HS1BP3: variants seen among roughly 807,000 people sequenced by gnomAD.
HS1BP3 encodes the protein HCLS1 binding protein 3.
Under a neutral mutation model 33.5 loss-of-function variants are expected in HS1BP3, and 32 were observed. The observed-to-expected ratio is 0.95, with a 90% CI of 0.72 to 1.28. The LOEUF (loss-of-function observed/expected upper bound fraction) is 1.28, where lower values mean the gene tolerates loss of function less well. Among genes scored for constraint, HS1BP3 ranks in the 50% most tolerant of loss-of-function variants. HS1BP3 has a pLI of 0.00. For missense variants in HS1BP3, 486 were observed against 502.3 expected (o/e 0.97, Z 0.31); for synonymous variants, 187 against 209.2 (o/e 0.89, Z 0.92).
intron 4 of HS1BP3, chr2:20,637,803 A>C (rs927482500): frequency 6.5e-6 from 1 of 153,226 alleles, no homozygotes; most frequent in Non-Finnish European, 1.5e-5. Flanking sequence ...GAGAGCGGGG[A>C]GGACAGCACC....
downstream of HS1BP3, among the ~76,000 whole-genome samples, chr2:20,616,237 A>G (rs566690541): frequency 1.3e-5 from 2 of 152,304 alleles, no homozygotes; most frequent in South Asian, 2.1e-4. Context: ...CTCCAGCTCA[A>G]TCTTAGCTAC....
chr2:20,641,245 C>CTGGTCGGGGTGA, intron 2 of HS1BP3, 65 bp from the exon 3 acceptor site: 2 of 1,449,498 alleles, frequency 1.4e-6, no homozygotes, highest in Non-Finnish European at 9.5e-7. Context: ...TTTCTCACCC[C>CTGGTCGGGGTGA]GACCAGGGGT....
intron 6 of HS1BP3, among the ~76,000 whole-genome samples, chr2:20,619,552 G>C (rs1169809940): frequency 6.6e-6 from 1 of 152,206 alleles, no homozygotes; most frequent in Non-Finnish European, 1.5e-5. Flanking sequence ...GCTGCCTTCT[G>C]TAGGGGGCTT....
At chr2:20,621,662 C>T (rs1010473148) in intron 6 of HS1BP3, among the ~76,000 whole-genome samples, 1 of 152,236 alleles carries the variant, frequency 6.6e-6, no homozygotes, top group Non-Finnish European at 1.5e-5. Flanking sequence ...AAATAGGGGC[C>T]CTTTGGAAAA....
In HS1BP3 at chr2:20,629,175, C is replaced by T. The variant is rs377763131; in HGVS notation, c.624-4283G>A. ...GTCAGTAATTCCATGACAGGTGCGTCACTCAGTCTCTGAGCCATTTCTTCA... is the reference window on the plus strand; with the variant it reads ...GTCAGTAATTCCATGACAGGTGCGTTACTCAGTCTCTGAGCCATTTCTTCA... On this transcript the variant is annotated intron_variant, in intron 4 of 6. Coordinates refer to ENST00000304031, the MANE Select transcript of HS1BP3 (RefSeq NM_022460.4). Among the ~76,000 whole-genome samples the T allele has an allele frequency of 3.3e-5, 5 of 152,182 alleles. No homozygotes were observed. The South Asian group carries it at 6.2e-4, about 19-fold the overall frequency.
chr2:20,579,034 C>T lies in HS1BP3; in HGVS notation c.303-18519G>A, dbSNP rs1236489022. On this transcript the variant is annotated intron_variant, in intron 5 of 5. Coordinates refer to the HS1BP3 transcript ENST00000446825. ...CAGGCTGAGCCAGGTTTGGTGGCCACTGAAGCCCTTGACTTCCTTCCGGTC... is the reference window on the plus strand; with the variant it reads ...CAGGCTGAGCCAGGTTTGGTGGCCATTGAAGCCCTTGACTTCCTTCCGGTC... Among the ~76,000 whole-genome samples the T allele has an allele frequency of 2.0e-5, 3 of 152,260 alleles. No individual in the cohort carries two copies. The East Asian group carries it at 5.8e-4, about 29-fold the overall frequency.
chr2:20,599,613 C>T (rs1166018305), intron 2 of HS1BP3, among the ~76,000 whole-genome samples: 2 of 106,534 alleles, frequency 1.9e-5, no homozygotes, highest in African/African-American at 8.7e-5. Flanking sequence ...TTGTGTAACA[C>T]ACACACACAC....
At chr2:20,635,321 G>C (rs1293822082) in intron 4 of HS1BP3, 3 of 152,230 alleles carry the variant, frequency 2.0e-5, no homozygotes, top group Non-Finnish European at 4.4e-5. Context: ...ATCGAGCTGA[G>C]AAACCAGCAG....
intron 6 of HS1BP3, 64 bp downstream of exon 6, chr2:20,623,832 G>T (rs985412285): frequency 6.6e-7 from 1 of 1,518,476 alleles, no homozygotes; most frequent in East Asian, 2.4e-5. Flanking sequence ...GCAATGAGCC[G>T]GGCCCTTGGC....
chr2:20,569,094 A>C (rs1248080684), intron 5 of HS1BP3, among the ~76,000 whole-genome samples: 1 of 152,120 alleles, frequency 6.6e-6, no homozygotes, highest in Non-Finnish European at 1.5e-5. Flanking sequence ...GCTCAGCCGC[A>C]GCCCAGCCCA....
Position 20,619,090 on chromosome 2 carries a change from T to C in HS1BP3, c.1076A>G (p.Gln359Arg). ...TTGGATCTGCTCCTGCGGCTTCTGC[T>C]GCCCAGCCACAGCTTCAGCCGGGCC... ...KAGPAEAVAG[Q>R]QKPQEQIQAM... The change falls in exon 7 of 7, where the codon CAG (glutamine) becomes CGG (arginine). Residue 359 changes from glutamine to arginine, a missense_variant. Gln to Arg is a conservative substitution (Grantham distance 43, BLOSUM62 1). Transcript: ENST00000304031. 1 of 1,614,030 alleles carries C rather than the reference T, an allele frequency of 6.2e-7. No homozygotes were observed. The highest frequency in any genetic ancestry group is 2.2e-5 in the East Asian group (1 of 44,876).
chr2:20,631,842 G>A (rs138697260), intron 4 of HS1BP3, among the ~76,000 whole-genome samples: 209 of 152,192 alleles, frequency 1.4e-3, no homozygotes, highest in Middle Eastern at 3.4e-3. Flanking sequence ...TACAGCAAGC[G>A]CCCAGTACCC....
chr2:20,624,674 T>C, intron 5 of HS1BP3, 58 bp downstream of exon 5: 1 of 1,504,986 alleles, frequency 6.6e-7, no homozygotes, highest in Non-Finnish European at 9.0e-7. Context: ...AGACCCTGCC[T>C]GGTGATGGGG....
intron 1 of HS1BP3, among the ~76,000 whole-genome samples, chr2:20,645,966 G>A (rs1572366072): frequency 6.6e-6 from 1 of 152,194 alleles, no homozygotes. Flanking sequence ...GGGGGGACAC[G>A]GGACGAGCAC....
intron 5 of HS1BP3, among the ~76,000 whole-genome samples, chr2:20,583,426 G>C (rs1693582972): frequency 7.1e-6 from 1 of 140,996 alleles, no homozygotes; most frequent in Admixed American, 6.8e-5. Flanking sequence ...AGGAACCAGG[G>C]AGGGGCGCAG....
chr2:20,576,740 A>G (rs1196712788), intron 5 of HS1BP3, among the ~76,000 whole-genome samples: 2 of 151,670 alleles, frequency 1.3e-5, no homozygotes, highest in African/African-American at 2.4e-5. Flanking sequence ...CACAACAGAA[A>G]TGGAAGTTGA....
At chr2:20,627,339 G>A (rs1426883800) in intron 4 of HS1BP3, among the ~76,000 whole-genome samples, 1 of 152,258 alleles carries the variant, frequency 6.6e-6, no homozygotes, top group East Asian at 1.9e-4. Context: ...GAACTTGCAT[G>A]TAACCAGCCA....
downstream of HS1BP3, among the ~76,000 whole-genome samples, chr2:20,613,609 A>T (rs1446051586): frequency 6.6e-6 from 1 of 152,260 alleles, no homozygotes; most frequent in East Asian, 1.9e-4. Flanking sequence ...ACTATTTAAT[A>T]AAGAGATCCA....
chr2:20,584,556 T>C (rs1032295264), intron 5 of HS1BP3, among the ~76,000 whole-genome samples: 1 of 152,182 alleles, frequency 6.6e-6, no homozygotes, highest in African/African-American at 2.4e-5. Flanking sequence ...GAGGTGGCAA[T>C]GGCAAGAGGT....
Sources: gnomAD v4.1 joint callset for allele counts (sites outside exome capture counted in the v4.1 genomes callset) on GRCh38, gnomAD v4.1.1 for gene constraint, MANE v1.5 for transcripts, NCBI Gene and HGNC (gene_info 2026-07-23, HGNC 2026-07-21) for gene names.